The following RBFOX1 variants were observed in gnomAD, a reference collection of about 807,000 sequenced individuals.
The protein encoded by RBFOX1 is RNA binding protein fox-1 homolog 1.
In RBFOX1, 8 loss-of-function variants were observed where a neutral mutation model predicts 57.7. The observed-to-expected ratio is 0.14, with a 90% CI of 0.08 to 0.25. The LOEUF is 0.25. Among genes scored for constraint, RBFOX1 ranks in the 10% least tolerant of loss-of-function variants. The pLI is 1.00. For missense variants in RBFOX1, 611 were observed against 548.5 expected (o/e 1.11, Z -1.14); for synonymous variants, 326 against 222.4 (o/e 1.47, Z -4.15).
At chr16:6,040,284 CAACACTATCACCCGTCTCCAG>C (rs1447095011) in intron 1 of RBFOX1, among the ~76,000 whole-genome samples, 1 of 152,192 alleles carries the variant, frequency 6.6e-6, no homozygotes, top group Non-Finnish European at 1.5e-5. Context: ...GTTGCGCAAG[CAACACTATCACCCGTCTCCAG>C]AACTCCTTTC....
intron 14 of RBFOX1, among the ~76,000 whole-genome samples, chr16:7,703,573 G>A (rs1758935430): frequency 1.3e-5 from 2 of 152,148 alleles, no homozygotes; most frequent in South Asian, 2.1e-4. Flanking sequence ...TCTTACTGTG[G>A]CCCTATAAGA....
At chr16:7,321,486 C>T (rs761921307) in intron 4 of RBFOX1, among the ~76,000 whole-genome samples, 2 of 152,060 alleles carry the variant, frequency 1.3e-5, no homozygotes, top group African/African-American at 4.8e-5. Context: ...ACATGAAATA[C>T]GTGGAAAGGC....
intron 3 of RBFOX1, among the ~76,000 whole-genome samples, chr16:5,617,119 G>GTCCC (rs1415300465): frequency 6.7e-5 from 10 of 149,552 alleles, no homozygotes; most frequent in African/African-American, 1.8e-4. Context: ...CCCTCCGTCC[G>GTCCC]TCCCTCCCTC....
At chr16:7,701,770 C>G (rs996288395) in intron 14 of RBFOX1, among the ~76,000 whole-genome samples, 1 of 152,202 alleles carries the variant, frequency 6.6e-6, no homozygotes, top group Non-Finnish European at 1.5e-5. Context: ...CCTAAATTCA[C>G]TAACTGACCA....
intron 3 of RBFOX1, among the ~76,000 whole-genome samples, chr16:5,714,240 T>C (rs1215284095): frequency 6.6e-6 from 1 of 152,218 alleles, no homozygotes; most frequent in Non-Finnish European, 1.5e-5. Flanking sequence ...AATCTGCACA[T>C]AGTCATGTAA....
intron 4 of RBFOX1, among the ~76,000 whole-genome samples, chr16:7,510,479 A>ATGCGTGTC (rs2074734419): frequency 9.8e-6 from 1 of 102,554 alleles, no homozygotes; most frequent in African/African-American, 3.3e-5. Context: ...GTGTGTGTGT[A>ATGCGTGTC]TGTGTGTCTG....
chr16:6,622,233 A>G (rs2098243502), intron 2 of RBFOX1, among the ~76,000 whole-genome samples: 1 of 152,224 alleles, frequency 6.6e-6, no homozygotes, highest in South Asian at 2.1e-4. Flanking sequence ...GTTCTGCACC[A>G]CATAATGACG....
rs1408518036 is a variant in RBFOX1 at position 5,670,506 on chromosome 16, C to G, written c.318+71545C>G. Among the ~76,000 whole-genome samples, 4 of 152,290 alleles carry G rather than the reference C, an allele frequency of 2.6e-5. No homozygotes were observed. The East Asian group carries it at 5.8e-4, about 22-fold the overall frequency. Reference sequence around the variant, plus strand: ...CTATGGAAGATATGGGAACATATGCCTTTGTCTCTTAAGCCACAAGCCCTG... The same window carrying G: ...CTATGGAAGATATGGGAACATATGCGTTTGTCTCTTAAGCCACAAGCCCTG... On this transcript the variant is annotated intron_variant, in intron 3 of 19. Transcript: ENST00000641259.
intron 1 of RBFOX1, among the ~76,000 whole-genome samples, chr16:6,106,664 C>G (rs2096383445): frequency 6.6e-6 from 1 of 151,866 alleles, no homozygotes; most frequent in Admixed American, 6.6e-5. Context: ...ATTAAAATGA[C>G]TCTCCTTCTT....
At chr16:6,118,940 A>G (rs1174874372) in intron 1 of RBFOX1, among the ~76,000 whole-genome samples, 2 of 151,866 alleles carry the variant, frequency 1.3e-5, no homozygotes, top group Non-Finnish European at 2.9e-5. Context: ...ACATGTGAAT[A>G]TGGGGAGGGC....
At position 7,107,740 on chromosome 16, in the gene RBFOX1, T is replaced by G. The variant is rs536287013; in HGVS notation, c.27+55642T>G. Among the ~76,000 whole-genome samples the G allele has an allele frequency of 2.0e-5, 3 of 152,288 alleles. No individual in the cohort carries two copies. The South Asian group carries it at 6.2e-4, about 32-fold the overall frequency. On this transcript the variant is annotated intron_variant, in intron 4 of 15. Transcript: ENST00000550418. ...AATGGAATCATAGAGGAGGTGGAGTTACTTTTTATAGCTTTTAAGCCCACA... is the reference window on the plus strand; with the variant it reads ...AATGGAATCATAGAGGAGGTGGAGTGACTTTTTATAGCTTTTAAGCCCACA...
intron 2 of RBFOX1, among the ~76,000 whole-genome samples, chr16:6,493,349 G>C (rs1461830897): frequency 6.6e-6 from 1 of 152,142 alleles, no homozygotes; most frequent in African/African-American, 2.4e-5. Context: ...GTAATGGTTT[G>C]ACCACAGAAG....
chr16:6,667,791 A>G (rs1057344213), intron 3 of RBFOX1, among the ~76,000 whole-genome samples: 4 of 152,080 alleles, frequency 2.6e-5, no homozygotes, highest in Admixed American at 2.6e-4. Context: ...CAAATGGCTT[A>G]AGGAGAAGGA....
At chr16:6,483,049 T>C (rs893854034) in intron 2 of RBFOX1, 7 of 792,358 alleles carry the variant, frequency 8.8e-6, no homozygotes, top group African/African-American at 1.9e-5. Context: ...AGCGGCGAGA[T>C]ACCGCAGCCA....
Position 7,418,780 on chromosome 16 carries a change from A to ATCTCTATCTCTG in RBFOX1, c.28-99362_28-99361insATCTCTGTCTCT, listed in dbSNP as rs1465592182. 4.6e-5 allele frequency among the ~76,000 whole-genome samples: 7 copies of ATCTCTATCTCTG among 151,062 alleles called. No individual in the cohort carries two copies. The South Asian group carries it at 1.1e-3, about 23-fold the overall frequency. ...TCTCTCTCACTGTGTCTGTGTCTCT[A>ATCTCTATCTCTG]TCTCTGTCTTTCTCTGTCTTCCTCT... On this transcript the variant is annotated intron_variant, in intron 4 of 15. Coordinates refer to ENST00000550418, the MANE Select transcript of RBFOX1 (RefSeq NM_018723.4).
intron 1 of RBFOX1, among the ~76,000 whole-genome samples, chr16:6,186,471 GA>G (rs946466607): frequency 1.3e-5 from 2 of 152,302 alleles, no homozygotes; most frequent in African/African-American, 4.8e-5. Context: ...CTTGGTTAGA[GA>G]GTAGACTGCA....
At chr16:5,511,176 G>C (rs533433538) in intron 2 of RBFOX1, among the ~76,000 whole-genome samples, 2 of 152,202 alleles carry the variant, frequency 1.3e-5, no homozygotes, top group South Asian at 4.1e-4. Flanking sequence ...TTCTGTGCAA[G>C]AACAGACTAG....
rs2095026931 is a variant in RBFOX1 at position 6,019,496 on chromosome 16, C to G, written c.-623C>G. 9.8e-7 allele frequency: 1 copy of G among 1,021,108 alleles called. No individual in the cohort carries two copies. Among genetic ancestry groups the G allele is most frequent in the Non-Finnish European group, 1.2e-6 (1 of 853,436 alleles). The allele number at this position is 1,021,108 out of a possible 1,614,324, so 63.3% of individuals were successfully genotyped here. A position where few individuals can be genotyped will look rare whatever the true frequency, so the allele number is the denominator to read the frequency against. On this transcript the variant is annotated 5_prime_UTR_variant, in exon 1 of 16. Transcript: ENST00000550418. This position sits in a 1 kb window ranked among gnomAD's most constrained non-coding sequence, Gnocchi z 4.2. ...ATCCCTCCCCCTCCGCCCCAGCCCC[C>G]CAGCAGCACCCGCGGTGGGGCGGGG... is the stretch of plus-strand genomic sequence containing the variant.
chr16:5,608,241 G>A (rs181138528), intron 3 of RBFOX1, among the ~76,000 whole-genome samples: 74 of 152,314 alleles, frequency 4.9e-4, no homozygotes, highest in Middle Eastern at 6.8e-3. Flanking sequence ...TCACGGAGGG[G>A]CACTTTGAGT....
Sources: allele counts gnomAD v4.1 joint callset (sites outside exome capture counted in the v4.1 genomes callset), GRCh38; gene constraint gnomAD v4.1.1; non-coding constraint Gnocchi (gnomAD v3.1); transcripts MANE v1.5; gene names NCBI Gene and HGNC (gene_info 2026-07-23, HGNC 2026-07-21).